Variants in SNX24 observed in about 807,000 individuals in gnomAD.
SNX24 encodes sorting nexin-24.
Under a neutral mutation model 28.7 loss-of-function variants are expected in SNX24, and 22 were observed. The observed-to-expected ratio is 0.77, with a 90% CI of 0.55 to 1.10. The LOEUF is 1.10. Among genes scored for constraint, SNX24 ranks in the 50% least tolerant of loss-of-function variants. The probability of loss-of-function intolerance (pLI) is 0.00; values close to 1 mark genes in which losing one functional copy is unlikely to be tolerated. For missense variants in SNX24, 221 were observed against 201.1 expected (o/e 1.10, Z -0.60); for synonymous variants, 69 against 71.5 (o/e 0.96, Z 0.18).
chr5:122,933,923 C>G (rs1329627633), intron 1 of SNX24, among the ~76,000 whole-genome samples: 14 of 151,848 alleles, frequency 9.2e-5, no homozygotes, highest in Non-Finnish European at 1.8e-4. Context: ...GCTGGGATTA[C>G]AGGCACGCAC....
At chr5:122,994,192 T>C (rs1048239783) in intron 3 of SNX24, among the ~76,000 whole-genome samples, 1 of 152,228 alleles carries the variant, frequency 6.6e-6, no homozygotes, top group Non-Finnish European at 1.5e-5. Flanking sequence ...ATTCCTGTTA[T>C]AATTGGCTGC....
At position 122,921,796 on chromosome 5, in the gene SNX24, T is replaced by C. The variant is rs1758442069; in HGVS notation, c.61-14938T>C. ...TATATTACTAAGGGAAAGCAACCCA[T>C]GGTAACAAAAAAAAAAGCTTGCAAA... On this transcript the variant is annotated intron_variant, in intron 1 of 6. Transcript: ENST00000261369. 1.3e-5 allele frequency among the ~76,000 whole-genome samples: 2 copies of C among 151,886 alleles called. 1 individual carries two copies. Among genetic ancestry groups the C allele is most frequent in the Admixed American group, 1.3e-4 (2 of 15,242 alleles).
At chr5:122,872,633 C>G (rs1440049202) in intron 1 of SNX24, among the ~76,000 whole-genome samples, 1 of 151,980 alleles carries the variant, frequency 6.6e-6, no homozygotes, top group African/African-American at 2.4e-5. Context: ...ACTTAAATAC[C>G]TAATACAATG....
At chr5:122,953,748 T>C (rs915308055) in intron 3 of SNX24, among the ~76,000 whole-genome samples, 33 of 152,246 alleles carry the variant, frequency 2.2e-4, no homozygotes, top group Non-Finnish European at 4.7e-4. Flanking sequence ...AAGGTACATC[T>C]TATATCACTT....
At chr5:122,951,438 A>G (rs549898536) in intron 3 of SNX24, among the ~76,000 whole-genome samples, 5 of 152,272 alleles carry the variant, frequency 3.3e-5, no homozygotes, top group Admixed American at 2.0e-4. Flanking sequence ...TTACCAATGA[A>G]GTTATGAGCT....
chr5:122,941,174 C>A (rs554367913), intron 2 of SNX24, among the ~76,000 whole-genome samples: 2 of 152,286 alleles, frequency 1.3e-5, no homozygotes, highest in South Asian at 4.1e-4. Flanking sequence ...CACAGATAAT[C>A]CAGGATAACC....
At chr5:122,867,058 C>G (rs937530474) in intron 1 of SNX24, among the ~76,000 whole-genome samples, 1 of 152,182 alleles carries the variant, frequency 6.6e-6, no homozygotes, top group Non-Finnish European at 1.5e-5. Context: ...AGAAACAGCA[C>G]TATATATTAT....
chr5:122,872,395 A>G (rs1264077585), intron 1 of SNX24, among the ~76,000 whole-genome samples: 1 of 151,958 alleles, frequency 6.6e-6, no homozygotes, highest in Non-Finnish European at 1.5e-5. Flanking sequence ...AAAACCTTGT[A>G]TTGTTTTCCT....
intron 1 of SNX24, among the ~76,000 whole-genome samples, chr5:122,847,743 C>T (rs1489025647): frequency 6.6e-6 from 1 of 152,162 alleles, no homozygotes; most frequent in Non-Finnish European, 1.5e-5. Context: ...AACCATCTGC[C>T]TAGGCCTCCC....
chr5:122,889,499 A>G (rs1469575969), intron 1 of SNX24, among the ~76,000 whole-genome samples: 2 of 151,928 alleles, frequency 1.3e-5, no homozygotes, highest in African/African-American at 2.4e-5. Context: ...GGGATACTCA[A>G]CCAATACATA....
intron 1 of SNX24, among the ~76,000 whole-genome samples, chr5:122,889,098 C>T (rs759678889): frequency 1.6e-4 from 25 of 152,104 alleles, no homozygotes; most frequent in Non-Finnish European, 3.2e-4. Flanking sequence ...ATTGATCTGC[C>T]CGCCTTGGCC....
At chr5:122,948,884 A>T (rs1231452943) in intron 3 of SNX24, among the ~76,000 whole-genome samples, 1 of 152,214 alleles carries the variant, frequency 6.6e-6, no homozygotes, top group Non-Finnish European at 1.5e-5. Context: ...AGCTTTACAT[A>T]AGGCTCTAAC....
chr5:122,993,546 C>T (rs1028204722), intron 3 of SNX24, among the ~76,000 whole-genome samples: 6 of 152,046 alleles, frequency 3.9e-5, no homozygotes, highest in African/African-American at 7.2e-5. Flanking sequence ...GTGATCTGCC[C>T]GCCTCAGCCT....
At chr5:122,983,659 A>G (rs1761479613) in intron 3 of SNX24, among the ~76,000 whole-genome samples, 1 of 152,194 alleles carries the variant, frequency 6.6e-6, no homozygotes, top group South Asian at 2.1e-4. Flanking sequence ...GCTGGAGTGC[A>G]GTGGCAAGAT....
intron 3 of SNX24, among the ~76,000 whole-genome samples, chr5:122,947,062 G>T (rs138013667): frequency 1.8e-4 from 27 of 152,318 alleles, no homozygotes; most frequent in African/African-American, 6.0e-4. Flanking sequence ...CATGGCTGGG[G>T]GCAGGGGAAT....
chr5:122,880,195 A>G (rs1756412955), intron 1 of SNX24, among the ~76,000 whole-genome samples: 1 of 152,228 alleles, frequency 6.6e-6, no homozygotes, highest in Non-Finnish European at 1.5e-5. Context: ...AATGGGAGAT[A>G]TACTCTTTAA....
At chr5:122,998,047 G>A (rs1358219888) in intron 3 of SNX24, among the ~76,000 whole-genome samples, 1 of 151,836 alleles carries the variant, frequency 6.6e-6, no homozygotes, top group Admixed American at 6.6e-5. Context: ...ATGACCTCTG[G>A]GCACCTAAAA....
At chr5:122,874,936 A>C (rs555672724) in intron 1 of SNX24, among the ~76,000 whole-genome samples, 1 of 152,256 alleles carries the variant, frequency 6.6e-6, no homozygotes, top group Non-Finnish European at 1.5e-5. Context: ...TAATTGGTTC[A>C]GTAGTAGCTA....
chr5:122,963,236 A>AAATT (rs959250475), intron 3 of SNX24, among the ~76,000 whole-genome samples: 2 of 152,064 alleles, frequency 1.3e-5, no homozygotes, highest in Non-Finnish European at 2.9e-5. Flanking sequence ...ACTGTCTCAA[A>AAATT]AATTAATTAA....
Sources: allele counts gnomAD v4.1 joint callset (sites outside exome capture counted in the v4.1 genomes callset), GRCh38; gene constraint gnomAD v4.1.1; transcripts MANE v1.5; gene names NCBI Gene and HGNC (gene_info 2026-07-23, HGNC 2026-07-21).